GPX7: variants seen among roughly 807,000 people sequenced by gnomAD.
The protein encoded by GPX7 is glutathione peroxidase 7.
A neutral mutation model predicts 23.7 loss-of-function variants in GPX7; 21 were observed. The ratio of observed to expected loss-of-function variants is 0.89; its 90% confidence interval spans 0.63 to 1.28. The LOEUF (loss-of-function observed/expected upper bound fraction) is 1.28. Ranked by LOEUF, GPX7 falls within the 50% of genes most tolerant of loss-of-function variation. The pLI is 0.00. For missense variants in GPX7, 238 were observed against 237.3 expected (o/e 1.00, Z -0.02); for synonymous variants, 112 against 101.8 (o/e 1.10, Z -0.61).
chr1:52,607,031 TG>T, intron 2 of GPX7, 86 bp downstream of exon 2: 1 of 1,465,268 alleles, frequency 6.8e-7, no homozygotes, highest in Non-Finnish European at 9.4e-7. Flanking sequence ...ACTGGCTGGT[TG>T]GGTGACCTGG....
chr1:52,603,790 C>T (rs963841029), intron 1 of GPX7, among the ~76,000 whole-genome samples: 1 of 152,076 alleles, frequency 6.6e-6, no homozygotes, highest in African/African-American at 2.4e-5. Flanking sequence ...CAGATGAAGG[C>T]GTGGATGCAC....
At chr1:52,607,025 G>C (rs894181177) in intron 2 of GPX7, 80 bp downstream of exon 2, 263 of 1,513,304 alleles carry the variant, frequency 1.7e-4, no homozygotes, top group Admixed American at 5.2e-4. Context: ...GAAGCCACTG[G>C]CTGGTTGGGT....
chr1:52,606,589 G>A, intron 1 of GPX7, 95 bp from the exon 2 acceptor site: 3 of 1,374,782 alleles, frequency 2.2e-6, no homozygotes, highest in Non-Finnish European at 3.0e-6. Context: ...TAACTGTTGA[G>A]GGAGTCACAT....
At chr1:52,608,122 A>C (rs1287109430) in intron 2 of GPX7, 140 bp from the exon 3 acceptor site, 66 of 626,534 alleles carry the variant, frequency 1.1e-4, no homozygotes, top group East Asian at 1.3e-4. Flanking sequence ...CCTCACCCTC[A>C]GAGATTCTGG....
Position 52,606,777 on chromosome 1 carries a change from C to T in GPX7, c.232C>T (p.His78Tyr). The T allele has an allele frequency of 6.2e-7, 1 of 1,614,204 alleles. No homozygotes were observed. Residue 78 changes from histidine (H) to tyrosine (Y), a missense_variant, in exon 2 of 3, where the codon CAC (histidine) becomes TAC (tyrosine). His to Tyr is a moderately conservative substitution (Grantham distance 83, BLOSUM62 2). Coordinates refer to ENST00000361314, the MANE Select transcript of GPX7 (RefSeq NM_015696.5). ...GCTGCAGCGAGACCTGGGCCCCCAC[C>T]ACTTTAACGTGCTCGCCTTCCCCTG... ...QQLQRDLGPHHFNVLAFPCNQ... is the reference protein window; with the variant it reads ...QQLQRDLGPHYFNVLAFPCNQ...
chr1:52,605,276 C>G (rs34024818), intron 1 of GPX7, among the ~76,000 whole-genome samples: 2 of 152,036 alleles, frequency 1.3e-5, no homozygotes, highest in Admixed American at 1.3e-4. Context: ...ACAGGAGGTA[C>G]AGCTCAGTGG....
In GPX7 at chr1:52,606,940, T is replaced by C. The variant is rs1189745229; in HGVS notation, c.395T>C (p.Leu132Pro). The change falls in exon 2 of 3, where the codon CTG (leucine) becomes CCG (proline). Residue 132 changes from leucine (L) to proline (P), a missense_variant. Transcript: ENST00000361314. ...GGTGCCCATCCTGCCTTCAAGTACC[T>C]GGCCCGTAAGTCCTGGTCTCTTCAT... Reference protein sequence around the residue: ...GTGAHPAFKYLAQTSGKEPTW... With the variant: ...GTGAHPAFKYPAQTSGKEPTW... 2 of 1,613,964 alleles carry C rather than the reference T, an allele frequency of 1.2e-6. No homozygotes were observed. The highest frequency in any genetic ancestry group is 2.2e-5 in the South Asian group (2 of 91,080).
At chr1:52,607,271 G>C (rs1261802805) in intron 2 of GPX7, 1 of 367,574 alleles carries the variant, frequency 2.7e-6, no homozygotes, top group African/African-American at 2.0e-5. Flanking sequence ...GTGTGAACTA[G>C]ATGAGTTTAT....
rs1690860772 is a variant in GPX7 at position 52,606,910 on chromosome 1, G to A, written c.365G>A (p.Gly122Asp). 1.2e-6 allele frequency: 2 copies of A among 1,614,192 alleles called. No homozygotes were observed. Among genetic ancestry groups the A allele is most frequent in the Middle Eastern group, 1.6e-4 (1 of 6,062 alleles). Residue 122 changes from glycine to aspartate, a missense_variant, in exon 2 of 3, where the codon GGT becomes GAT. Transcript: ENST00000361314. ...FPMFSKIAVTGTGAHPAFKYL... is the reference protein window; with the variant it reads ...FPMFSKIAVTDTGAHPAFKYL... ...ATGTTTAGCAAGATTGCAGTCACCG[G>A]TACTGGTGCCCATCCTGCCTTCAAG...
rs1375434645 is a variant in GPX7 at position 52,602,515 on chromosome 1, A to G, written c.106A>G (p.Lys36Glu). The change falls in exon 1 of 3, where the codon AAA (lysine) becomes GAA (glutamate). Residue 36 changes from lysine to glutamate, a missense_variant. Physicochemically the swap from Lys to Glu is moderately conservative, Grantham distance 56. Transcript: ENST00000361314. ...CTTCAAGGCGGTCAACATCCGGGGCAAACTGGTGTCGCTGGAGAAGTACCG... is the reference window on the plus strand; with the variant it reads ...CTTCAAGGCGGTCAACATCCGGGGCGAACTGGTGTCGCTGGAGAAGTACCG... ...YDFKAVNIRG[K>E]LVSLEKYRGS... The G allele has an allele frequency of 1.3e-6, 2 of 1,564,820 alleles. No homozygotes were observed. Among genetic ancestry groups the G allele is most frequent in the Non-Finnish European group, 1.7e-6 (2 of 1,159,766 alleles).
chr1:52,606,774 CA>C lies in GPX7; in HGVS notation c.230del (p.His77ProfsTer72). 6.2e-7 allele frequency: 1 copy of C among 1,614,190 alleles called. No homozygotes were observed. The highest frequency in any genetic ancestry group is 8.5e-7 in the Non-Finnish European group (1 of 1,180,034). On this transcript the variant is annotated frameshift_variant, in exon 2 of 3. Transcript: ENST00000361314. LOFTEE classifies it high-confidence loss of function. The stretch of plus-strand genomic sequence containing the variant: ...GCAGCTGCAGCGAGACCTGGGCCCC[CA>C]CCACTTTAACGTGCTCGCCTTCCCC... ...LQQLQRDLGP[H>X]HFNVLAFPCN...
rs1331867781 is a variant in GPX7 at position 52,608,363 on chromosome 1, G to A, written c.502G>A (p.Val168Ile). 1 of 1,614,096 alleles carries A rather than the reference G, an allele frequency of 6.2e-7. No homozygotes were observed. The highest frequency in any genetic ancestry group is 1.3e-5 in the African/African-American group (1 of 75,022). Residue 168 changes from valine to isoleucine, a missense_variant, in exon 3 of 3, where the codon GTC becomes ATC. By Grantham distance (29) the Val-to-Ile change is conservative. Coordinates refer to ENST00000361314, the MANE Select transcript of GPX7 (RefSeq NM_015696.5). ...GGACCCAACTGTGTCAGTGGAGGAG[G>A]TCAGACCCCAGATCACAGCGCTCGT... ...AWDPTVSVEE[V>I]RPQITALVRK... is the part of the protein sequence containing the mutation.
In GPX7 at chr1:52,602,468, A is replaced by G. The variant is rs1474678014; in HGVS notation, c.59A>G (p.Gln20Arg). Reference protein sequence around the residue: ...WLLLWAAACAQQEQDFYDFKA... With the variant: ...WLLLWAAACARQEQDFYDFKA... ...CTCCTGTGGGCTGCGGCCTGCGCGC[A>G]GCAGGAGCAGGACTTCTACGACTTC... The change falls in exon 1 of 3, where the codon CAG (glutamine) becomes CGG (arginine). Residue 20 changes from glutamine (Q) to arginine (R), a missense_variant. Physicochemically the swap from Gln to Arg is conservative, Grantham distance 43. Coordinates refer to ENST00000361314, the MANE Select transcript of GPX7 (RefSeq NM_015696.5). 2.6e-6 allele frequency: 4 copies of G among 1,547,114 alleles called. No individual in the cohort carries two copies. The East Asian group carries it at 8.2e-5, about 32-fold the overall frequency.
rs575918368 is a variant in GPX7 at position 52,608,528 on chromosome 1, T to C, written c.*103T>C. 6.7e-5 allele frequency: 64 copies of C among 959,630 alleles called. No homozygotes were observed. In the East Asian group the frequency reaches 1.7e-3, roughly 26 times the overall value. The allele number at this position is 959,630 out of a possible 1,614,324, so 59.4% of individuals were successfully genotyped here. ...AAAGGGAGAGACCCACTGACTCTCC[T>C]TCCTTTACTCTTATGCCATTGGTCC... On this transcript the variant is annotated 3_prime_UTR_variant, in exon 3 of 3. Coordinates refer to ENST00000361314, the MANE Select transcript of GPX7 (RefSeq NM_015696.5).
chr1:52,608,148 G>C, intron 2 of GPX7, 114 bp from the exon 3 acceptor site: 5 of 922,096 alleles, frequency 5.4e-6, no homozygotes, highest in Non-Finnish European at 8.2e-6. Context: ...GTGGTCTGGG[G>C]TGTGGACTGG....
At chr1:52,602,641 T>A in intron 1 of GPX7, 94 bp downstream of exon 1, 1 of 653,416 alleles carries the variant, frequency 1.5e-6, no homozygotes, top group Non-Finnish European at 2.2e-6. Context: ...CCGCGCGGTG[T>A]GGCTCCGAGG....
In GPX7 at chr1:52,608,420, T is replaced by C. The variant is rs778946055; in HGVS notation, c.559T>C (p.Leu187=). 6.2e-7 allele frequency: 1 copy of C among 1,607,900 alleles called. No homozygotes were observed. The highest frequency in any genetic ancestry group is 1.1e-5 in the South Asian group (1 of 90,312). Residue 187 remains leucine, a synonymous_variant, in exon 3 of 3, where the codon TTA becomes CTA. Coordinates refer to ENST00000361314, the MANE Select transcript of GPX7 (RefSeq NM_015696.5). The part of the protein sequence containing the change: ...RKLILLKRED[L] Reference sequence around the variant, plus strand: ...GCTCATCCTACTGAAGCGAGAAGACTTATAACCACCGCGTCTCCTCCTCCA... The same window carrying C: ...GCTCATCCTACTGAAGCGAGAAGACCTATAACCACCGCGTCTCCTCCTCCA...
chr1:52,605,108 A>G (rs891267856), intron 1 of GPX7, among the ~76,000 whole-genome samples: 6 of 151,258 alleles, frequency 4.0e-5, no homozygotes, highest in Non-Finnish European at 4.4e-5. Flanking sequence ...CAGCAGGGGG[A>G]AAAAAAGGAA....
At chr1:52,606,277 C>A (rs35947490) in intron 1 of GPX7, among the ~76,000 whole-genome samples, 4,562 of 152,240 alleles carry the variant, frequency 0.03, 106 homozygotes, top group Non-Finnish European at 0.044. Context: ...CTTTGTACCC[C>A]CTCTTATCAG....
Sources: allele counts gnomAD v4.1 joint callset (sites outside exome capture counted in the v4.1 genomes callset), GRCh38; gene constraint gnomAD v4.1.1; transcripts MANE v1.5; gene names NCBI Gene and HGNC (gene_info 2026-07-23, HGNC 2026-07-21).